SRRD: variants seen among roughly 807,000 people sequenced by gnomAD.
SRRD encodes SRR1-like protein.
SRRD carries 28 observed loss-of-function variants against 30.7 expected under a neutral mutation model. The observed-to-expected ratio is 0.91, with a 90% CI of 0.68 to 1.25. The LOEUF is 1.25. Among genes scored for constraint, SRRD ranks in the 50% most tolerant of loss-of-function variants. The probability of loss-of-function intolerance (pLI) is 0.00; values close to 1 mark genes in which losing one functional copy is unlikely to be tolerated. For missense variants in SRRD, 415 were observed against 417.3 expected (o/e 0.99, Z 0.05); for synonymous variants, 161 against 159.6 (o/e 1.01, Z -0.07).
rs919917222 is a variant in SRRD at position 26,493,798 on chromosome 22, G to A, written c.*2126G>A. The A allele has an allele frequency of 4.6e-5, 12 of 263,468 alleles. No homozygotes were observed. The highest frequency in any genetic ancestry group is 2.0e-4 in the African/African-American group (9 of 44,960). The allele number at this position is 263,468 out of a possible 1,614,324, so 16.3% of individuals were successfully genotyped here. On this transcript the variant is annotated 3_prime_UTR_variant, in exon 7 of 7. Coordinates refer to ENST00000215917, the MANE Select transcript of SRRD (RefSeq NM_001013694.3). ...TGCCAAACTCCACACTGTAAGATGC[G>A]TCACCTAAGCAGCATGCTCAGGCAT...
Position 26,494,124 on chromosome 22 carries a change from GGAA to G in SRRD, c.*2453_*2455del. 2 of 1,610,912 alleles carry G rather than the reference GGAA, an allele frequency of 1.2e-6. No homozygotes were observed. The highest frequency in any genetic ancestry group is 1.7e-5 in the Admixed American group (1 of 59,900). On this transcript the variant is annotated 3_prime_UTR_variant, in exon 7 of 7. Coordinates refer to ENST00000215917, the MANE Select transcript of SRRD (RefSeq NM_001013694.3). The stretch of plus-strand genomic sequence containing the variant: ...ACTTGGGGCCAGGACATCCAAAATG[GGAA>G]TCCTCACTTACCAACGTTGGAGGAC...
rs767506151 is a variant in SRRD, at chr22:26,488,254, TAAC to T, written c.477_479del (p.Thr160del). ...ACCTGCATCGTAGCTAGAAACCAGCTAACGTTTTTGCTGCTTTTGTTGGAAAAG... is the reference window on the plus strand; with the variant it reads ...ACCTGCATCGTAGCTAGAAACCAGCTGTTTTTGCTGCTTTTGTTGGAAAAG... On this transcript the variant is annotated inframe_deletion, in exon 3 of 7. Transcript: ENST00000215917. 1.2e-6 allele frequency: 2 copies of T among 1,614,008 alleles called. No individual in the cohort carries two copies. The highest frequency in any genetic ancestry group is 1.7e-6 in the Non-Finnish European group (2 of 1,179,968).
At chr22:26,490,960 A>C (rs780571847) in intron 5 of SRRD, 65 bp from the exon 6 acceptor site, 35 of 1,433,398 alleles carry the variant, frequency 2.4e-5, no homozygotes, top group Non-Finnish European at 3.4e-5. Context: ...GTTGAATGAA[A>C]CTATCCTCAT....
At chr22:26,486,401 G>T (rs908003867) in intron 2 of SRRD, among the ~76,000 whole-genome samples, 1 of 152,192 alleles carries the variant, frequency 6.6e-6, no homozygotes, top group Non-Finnish European at 1.5e-5. Context: ...TCCTCGTGCA[G>T]TGATAATCTC....
At chr22:26,489,061 G>A (rs544470332) in intron 4 of SRRD, among the ~76,000 whole-genome samples, 3 of 152,176 alleles carry the variant, frequency 2.0e-5, no homozygotes, top group Admixed American at 6.5e-5. Flanking sequence ...CTCCGATTTC[G>A]GTTTTGTATT....
chr22:26,491,703 G>A lies in SRRD; in HGVS notation c.*31G>A, dbSNP rs1317035875. 1.3e-6 allele frequency: 2 copies of A among 1,582,002 alleles called. No homozygotes were observed. Among genetic ancestry groups the A allele is most frequent in the Non-Finnish European group, 1.7e-6 (2 of 1,162,268 alleles). On this transcript the variant is annotated 3_prime_UTR_variant, in exon 7 of 7. Coordinates refer to ENST00000215917, the MANE Select transcript of SRRD (RefSeq NM_001013694.3). ...TTGTGAGGTACTCAGTGTTGGCTGA[G>A]GTAGAAGCTGCCACCAGAGACTAAA...
intron 4 of SRRD, among the ~76,000 whole-genome samples, chr22:26,488,815 G>A (rs2091727903): frequency 2.0e-5 from 3 of 152,240 alleles, no homozygotes; most frequent in South Asian, 4.1e-4. Flanking sequence ...GGTGCCTCAA[G>A]TGAGGTCTTT....
Position 26,488,039 on chromosome 22 carries a change from T to C in SRRD, c.261T>C (p.Asn87=), listed in dbSNP as rs769377736. 3 of 1,611,210 alleles carry C rather than the reference T, an allele frequency of 1.9e-6. No homozygotes were observed. The highest frequency in any genetic ancestry group is 2.5e-6 in the Non-Finnish European group (3 of 1,178,156). The change falls in exon 3 of 7, where the codon AAT becomes AAC. Residue 87 remains asparagine, a synonymous_variant. Coordinates refer to ENST00000215917, the MANE Select transcript of SRRD (RefSeq NM_001013694.3). The part of the protein sequence containing the change: ...DFWSSALETI[N]RCLTKHLEQL... Reference sequence around the variant, plus strand: ...GGCCTGCTCTTTCAGAAACCATCAATAGATGTCTCACAAAACATCTGGAAC... The same window carrying C: ...GGCCTGCTCTTTCAGAAACCATCAACAGATGTCTCACAAAACATCTGGAAC...
chr22:26,492,148 C>T lies in SRRD; in HGVS notation c.*476C>T, dbSNP rs1921277257. ...AGAGCTGCTTCCCTTCGTGTCGCTT[C>T]CCAATGACGGGCATGAAGACAATGT... On this transcript the variant is annotated 3_prime_UTR_variant, in exon 7 of 7. Transcript: ENST00000215917. 1 of 1,613,584 alleles carries T rather than the reference C, an allele frequency of 6.2e-7. No individual in the cohort carries two copies. The highest frequency in any genetic ancestry group is 8.5e-7 in the Non-Finnish European group (1 of 1,179,872).
In SRRD at chr22:26,484,019, G is replaced by C. The variant is rs1475093168; in HGVS notation, c.129G>C (p.Gly43=). 4.2e-6 allele frequency: 1 copy of C among 239,556 alleles called. No homozygotes were observed. Among genetic ancestry groups the C allele is most frequent in the Non-Finnish European group, 6.2e-6 (1 of 161,866 alleles). 14.8% of individuals were successfully genotyped at this position (239,556 alleles called of 1,614,324 possible). The stretch of plus-strand genomic sequence containing the variant: ...GGGGGAGAGAGGCGGCGCCCCGGGG[G>C]AGAGAGGCGGCGCCCCGGGGCCCCG... The part of the protein sequence containing the change: ...APRGREAAPR[G]REAAPRGPEA... Residue 43 remains glycine (G), a synonymous_variant, in exon 1 of 7, where the codon GGG becomes GGC. Transcript: ENST00000215917.
At position 26,491,228 on chromosome 22, in the gene SRRD, T is replaced by C. The variant is rs1355270545; in HGVS notation, c.810+158T>C. 4 of 792,260 alleles carry C rather than the reference T, an allele frequency of 5.0e-6. No homozygotes were observed. In the Admixed American group the frequency reaches 1.2e-4, roughly 23 times the overall value. The allele number at this position is 792,260 out of a possible 1,614,324, so 49.1% of individuals were successfully genotyped here. On this transcript the variant is annotated intron_variant, in intron 6 of 6. Transcript: ENST00000215917. ...CTGTGTTCCAGAAAGCTATGACTCT[T>C]TAATGCATCTCTTAGTTTTTTCCTT...
intron 4 of SRRD, among the ~76,000 whole-genome samples, chr22:26,489,017 A>AT (rs2091729026): frequency 6.6e-6 from 1 of 152,246 alleles, no homozygotes; most frequent in African/African-American, 2.4e-5. Context: ...ATGCATCCCT[A>AT]AAGCACAGGG....
At chr22:26,488,892 T>TA (rs1171920102) in intron 4 of SRRD, among the ~76,000 whole-genome samples, 7 of 152,248 alleles carry the variant, frequency 4.6e-5, no homozygotes, top group South Asian at 2.1e-4. Flanking sequence ...TTTGATGCTA[T>TA]AACCCAGTCA....
rs1457508994 is a variant in SRRD, at chr22:26,492,607, A to T, written c.*935A>T. On this transcript the variant is annotated 3_prime_UTR_variant, in exon 7 of 7. Transcript: ENST00000215917. ...CAGATTATTAATATTCAACATTTTAAAATGAAGTATCTGCAAGGGATTTCT... is the reference window on the plus strand; with the variant it reads ...CAGATTATTAATATTCAACATTTTATAATGAAGTATCTGCAAGGGATTTCT... 7.7e-6 allele frequency: 4 copies of T among 519,782 alleles called. No individual in the cohort carries two copies. The East Asian group carries it at 1.3e-4, about 17-fold the overall frequency. 32.2% of individuals were successfully genotyped at this position (519,782 alleles called of 1,614,324 possible). A position where few individuals can be genotyped will look rare whatever the true frequency, so the allele number is the denominator to read the frequency against.
intron 5 of SRRD, chr22:26,490,784 G>C (rs1921067194): frequency 2.2e-6 from 1 of 455,124 alleles, no homozygotes; most frequent in Non-Finnish European, 3.9e-6. Flanking sequence ...TGCTGGTCTT[G>C]AACTCCTGAC....
intron 1 of SRRD, among the ~76,000 whole-genome samples, chr22:26,485,167 A>C (rs1481283957): frequency 6.6e-6 from 1 of 152,218 alleles, no homozygotes; most frequent in African/African-American, 2.4e-5. Flanking sequence ...GATCTCCTCA[A>C]CTGCTTCAGT....
intron 4 of SRRD, 108 bp downstream of exon 4, chr22:26,488,596 CTT>C: frequency 1.2e-6 from 1 of 809,330 alleles, no homozygotes; most frequent in South Asian, 1.5e-5. Flanking sequence ...CCATTCCTCT[CTT>C]ACCGCCTGCT....
chr22:26,490,559 CTTTT>C (rs71192931), intron 5 of SRRD, among the ~76,000 whole-genome samples: 31 of 51,846 alleles, frequency 6.0e-4, no homozygotes, highest in Middle Eastern at 0.067. Flanking sequence ...GGAATATTTG[CTTTT>C]TTTTTTTTTT....
At chr22:26,484,467 ATAT>A (rs1190265725) in intron 1 of SRRD, among the ~76,000 whole-genome samples, 7 of 152,300 alleles carry the variant, frequency 4.6e-5, no homozygotes, top group African/African-American at 1.7e-4. Context: ...TTTGCTATTA[ATAT>A]TATGCCGATG....
Sources: gnomAD v4.1 joint callset for allele counts (sites outside exome capture counted in the v4.1 genomes callset) on GRCh38, gnomAD v4.1.1 for gene constraint, MANE v1.5 for transcripts, NCBI Gene and HGNC (gene_info 2026-07-23, HGNC 2026-07-21) for gene names.